The following DCC variants were observed in gnomAD, a reference collection of about 807,000 sequenced individuals.
DCC encodes DCC netrin 1 receptor.
In DCC, 58 loss-of-function variants were observed where a neutral mutation model predicts 172.5. That is an observed-to-expected ratio of 0.34 (90% CI 0.27 to 0.42). DCC has a LOEUF of 0.42. Among genes scored for constraint, DCC ranks in the 10% least tolerant of loss-of-function variants. The pLI, the probability that DCC is intolerant of heterozygous loss-of-function variation, is 1.00. For missense variants in DCC, 1,740 were observed against 1,791.0 expected (o/e 0.97, Z 0.51); for synonymous variants, 709 against 644.5 (o/e 1.10, Z -1.52).
intron 1 of DCC, among the ~76,000 whole-genome samples, chr18:52,603,643 C>A (rs2034063720): frequency 6.8e-6 from 1 of 146,858 alleles, no homozygotes. Context: ...TCTCTTAAAA[C>A]AAAAATTGAC....
intron 13 of DCC, among the ~76,000 whole-genome samples, chr18:53,320,525 T>G (rs149061484): frequency 1.3e-5 from 2 of 152,322 alleles, no homozygotes; most frequent in East Asian, 3.9e-4. Flanking sequence ...TCTGCCTCTG[T>G]AATCAACAAC....
At chr18:52,539,025 G>A (rs1598897486) in intron 1 of DCC, among the ~76,000 whole-genome samples, 1 of 152,162 alleles carries the variant, frequency 6.6e-6, no homozygotes, top group African/African-American at 2.4e-5. Flanking sequence ...GTTCTTTCCA[G>A]ATGGAAAGGA....
chr18:52,675,345 A>T (rs1195448010), intron 1 of DCC, among the ~76,000 whole-genome samples: 3 of 152,138 alleles, frequency 2.0e-5, no homozygotes, highest in Non-Finnish European at 4.4e-5. Flanking sequence ...GTGAGCCACC[A>T]TGCCCGGCCT....
chr18:52,398,959 GAAAT>G (rs1254898902), intron 1 of DCC, among the ~76,000 whole-genome samples: 3 of 151,700 alleles, frequency 2.0e-5, no homozygotes, highest in Non-Finnish European at 4.4e-5. Context: ...AAAACCTATG[GAAAT>G]AAATAAATAA....
chr18:53,054,911 T>G (rs2042383504), intron 5 of DCC, among the ~76,000 whole-genome samples: 1 of 152,150 alleles, frequency 6.6e-6, no homozygotes, highest in African/African-American at 2.4e-5. Context: ...TCATTGCCAA[T>G]GATAGCAGAA....
chr18:52,656,072 GTA>G (rs902167095), intron 1 of DCC, among the ~76,000 whole-genome samples: 8 of 136,654 alleles, frequency 5.9e-5, no homozygotes, highest in South Asian at 4.6e-4. Flanking sequence ...ATATATATGT[GTA>G]TATATATGTG....
intron 16 of DCC, among the ~76,000 whole-genome samples, 162 bp from the exon 17 acceptor site, chr18:53,391,493 C>A (rs143902642): frequency 6.6e-6 from 1 of 152,008 alleles, no homozygotes; most frequent in African/African-American, 2.4e-5. Context: ...ATGTGTTTTC[C>A]GATTGAATTA....
chr18:52,961,305 AAAAAT>A (rs1474504962), intron 5 of DCC, among the ~76,000 whole-genome samples: 1 of 152,030 alleles, frequency 6.6e-6, no homozygotes, highest in African/African-American at 2.4e-5. Context: ...AATATAAAAT[AAAAAT>A]AAAATGCATA....
At chr18:53,298,400 C>T (rs113132335) in intron 12 of DCC, among the ~76,000 whole-genome samples, 3,914 of 151,594 alleles carry the variant, frequency 0.026, 168 homozygotes, top group African/African-American at 0.089. Flanking sequence ...TTTAGCCGGA[C>T]TATGTGGCTC....
chr18:53,510,620 G>A (rs1034863071), intron 27 of DCC, among the ~76,000 whole-genome samples: 3 of 152,170 alleles, frequency 2.0e-5, no homozygotes, highest in African/African-American at 7.2e-5. Context: ...TCAAACTAAA[G>A]AAGCTCTAAA....
At chr18:53,435,791 A>G (rs1458312440) in intron 22 of DCC, among the ~76,000 whole-genome samples, 1 of 152,190 alleles carries the variant, frequency 6.6e-6, no homozygotes, top group Non-Finnish European at 1.5e-5. Flanking sequence ...TGGAGGTACT[A>G]TCTAGAGCTA....
At chr18:52,928,063 C>T (rs184154383) in intron 5 of DCC, among the ~76,000 whole-genome samples, 47 of 152,162 alleles carry the variant, frequency 3.1e-4, no homozygotes, top group Non-Finnish European at 5.3e-4. Context: ...GGTAAATATA[C>T]ACCATGGAAT....
At chr18:52,617,772 A>C (rs924189431) in intron 1 of DCC, among the ~76,000 whole-genome samples, 3 of 152,304 alleles carry the variant, frequency 2.0e-5, no homozygotes, top group Non-Finnish European at 2.9e-5. Flanking sequence ...AAAGAAAAAA[A>C]TACAAAAGTA....
intron 1 of DCC, among the ~76,000 whole-genome samples, chr18:52,351,838 CT>C: frequency 6.6e-6 from 1 of 152,254 alleles, no homozygotes; most frequent in South Asian, 2.1e-4. Flanking sequence ...GTTCTCTTTG[CT>C]TTCAGTTACA....
In DCC at chr18:52,459,422, C is replaced by T. The variant is rs536402250; in HGVS notation, c.91+118544C>T. Among the ~76,000 whole-genome samples the T allele has an allele frequency of 5.9e-5, 9 of 151,838 alleles. No homozygotes were observed. In the East Asian group the frequency reaches 1.8e-3, roughly 30 times the overall value. On this transcript the variant is annotated intron_variant, in intron 1 of 28. Coordinates refer to ENST00000442544, the MANE Select transcript of DCC (RefSeq NM_005215.4). ...GTGTCCATATGTTCTCATCATTTAG[C>T]TCCCATTTATAAGTAAGAAAATGCA...
chr18:52,770,582 G>A (rs949434407), intron 2 of DCC, among the ~76,000 whole-genome samples: 2 of 152,146 alleles, frequency 1.3e-5, no homozygotes, highest in Non-Finnish European at 2.9e-5. Context: ...GTATTATAGT[G>A]TCTGAATGTC....
intron 3 of DCC, among the ~76,000 whole-genome samples, chr18:52,915,427 A>T (rs1252736387): frequency 6.6e-6 from 1 of 152,148 alleles, no homozygotes; most frequent in Non-Finnish European, 1.5e-5. Context: ...GAATATGGAC[A>T]GTGAATATGC....
At chr18:53,103,091 C>G (rs184224539) in intron 7 of DCC, among the ~76,000 whole-genome samples, 1 of 152,162 alleles carries the variant, frequency 6.6e-6, no homozygotes, top group East Asian at 2.0e-4. Flanking sequence ...TTTATGAATT[C>G]ATTCATTCAG....
chr18:53,194,556 G>A (rs1381125405), intron 9 of DCC, among the ~76,000 whole-genome samples: 7 of 151,710 alleles, frequency 4.6e-5, no homozygotes, highest in Non-Finnish European at 8.8e-5. Flanking sequence ...TGCAACCTTC[G>A]CCTCCTGGGC....
Sources: allele counts gnomAD v4.1 joint callset (sites outside exome capture counted in the v4.1 genomes callset), GRCh38; gene constraint gnomAD v4.1.1; transcripts MANE v1.5; gene names NCBI Gene and HGNC (gene_info 2026-07-23, HGNC 2026-07-21).